Variants in DNAH2 observed in about 807,000 individuals in gnomAD.
DNAH2 encodes the protein axonemal beta dynein heavy chain 2.
DNAH2 carries 323 observed loss-of-function variants against 523.5 expected under a neutral mutation model. That is an observed-to-expected ratio of 0.62 (90% CI 0.56 to 0.68). The LOEUF is 0.68. Among genes scored for constraint, DNAH2 ranks in the 30% least tolerant of loss-of-function variants. The pLI is 0.00. For synonymous variants in DNAH2, 2,093 were observed against 2,177.4 expected (o/e 0.96, Z 1.08); for missense variants, 4,907 against 5,701.5 (o/e 0.86, Z 4.49).
chr17:7,810,882 A>G (rs1197587882), intron 63 of DNAH2, among the ~76,000 whole-genome samples: 3 of 152,188 alleles, frequency 2.0e-5, no homozygotes, highest in East Asian at 3.8e-4. Context: ...GAGCCCAACT[A>G]CATTGCAGAT....
At chr17:7,775,417 G>A in intron 30 of DNAH2, 75 bp downstream of exon 30, 1 of 1,403,102 alleles carries the variant, frequency 7.1e-7, no homozygotes. Flanking sequence ...CGGGCGCAGT[G>A]GCTCACACTT....
At position 7,763,843 on chromosome 17, in the gene DNAH2, T is replaced by G; in HGVS notation, c.2991T>G (p.Val997=). Residue 997 remains valine, a synonymous_variant, in exon 19 of 86, where the codon GTT becomes GTG. Transcript: ENST00000572933. ...FVADIARYTE[V]ANNVQKEETV... ...GGGGCTCTTGCAGCTACACGGAAGTTGCTAATAACGTGCAGAAGGAGGAGA... is the reference window on the plus strand; with the variant it reads ...GGGGCTCTTGCAGCTACACGGAAGTGGCTAATAACGTGCAGAAGGAGGAGA... The G allele has an allele frequency of 6.2e-7, 1 of 1,614,036 alleles. No homozygotes were observed. The highest frequency in any genetic ancestry group is 8.5e-7 in the Non-Finnish European group (1 of 1,180,014).
rs746632322 is a variant in DNAH2, at chr17:7,774,744, C to T, written c.4502-15C>T. The T allele has an allele frequency of 3.3e-5, 53 of 1,607,860 alleles. No individual in the cohort carries two copies. The highest frequency in any genetic ancestry group is 1.7e-4 in the Middle Eastern group (1 of 6,046). On this transcript the variant is annotated splice_polypyrimidine_tract_variant and intron_variant, in intron 28 of 85. Coordinates refer to ENST00000572933, the MANE Select transcript of DNAH2 (RefSeq NM_020877.5). ...TGGAAATGAATCAAATGTCATTCAT[C>T]GCTCTTCTTCCCAGGCCTCCTGGAC...
In DNAH2 at chr17:7,758,996, G is replaced by A. The variant is rs771890064; in HGVS notation, c.2320G>A (p.Asp774Asn). The change falls in exon 15 of 86, where the codon GAC becomes AAC. Residue 774 changes from aspartate (D) to asparagine (N), a missense_variant. By Grantham distance (23) the Asp-to-Asn change is conservative. Coordinates refer to ENST00000572933, the MANE Select transcript of DNAH2 (RefSeq NM_020877.5). The part of the protein sequence containing the change: ...VRISGKRVYR[D>N]LEFEEDQREH... ...CATTAGTGGCAAACGGGTATACAGG[G>A]ACCTGGAATTTGAAGAGGACCAAAG... 3.8e-5 allele frequency: 61 copies of A among 1,614,090 alleles called. 1 individual carries two copies. In the Middle Eastern group the frequency reaches 8.2e-4, roughly 22 times the overall value.
At position 7,737,258 on chromosome 17, in the gene DNAH2, G is replaced by T; in HGVS notation, c.1170G>T (p.Lys390Asn). Residue 390 changes from lysine to asparagine, a missense_variant and splice_region_variant, in exon 8 of 86, where the codon AAG (lysine) becomes AAT (asparagine). Lys to Asn is a moderately conservative substitution (Grantham distance 94, BLOSUM62 0). Coordinates refer to ENST00000572933, the MANE Select transcript of DNAH2 (RefSeq NM_020877.5). ...AGAGACTGACCTCGCTCTTCCGAAA[G>T]GTGTGCATATGCTGAGGGTGGGATG... ...TRERLTSLFR[K>N]VCDCQYHFAR... 2 of 1,613,782 alleles carry T rather than the reference G, an allele frequency of 1.2e-6. No homozygotes were observed. Among genetic ancestry groups the T allele is most frequent in the Admixed American group, 1.7e-5 (1 of 60,014 alleles).
At chr17:7,724,722 C>T (rs1187970312) in intron 3 of DNAH2, among the ~76,000 whole-genome samples, 1 of 149,732 alleles carries the variant, frequency 6.7e-6, no homozygotes, top group Non-Finnish European at 1.5e-5. Context: ...TTTGTATAAT[C>T]CTAACTTTAT....
intron 12 of DNAH2, among the ~76,000 whole-genome samples, chr17:7,748,050 G>A (rs1214086946): frequency 6.6e-6 from 1 of 152,218 alleles, no homozygotes; most frequent in East Asian, 1.9e-4. Context: ...GGCTCTCTTA[G>A]TCCTGGAGCC....
intron 31 of DNAH2, 86 bp downstream of exon 31, chr17:7,776,235 G>A: frequency 2.0e-6 from 3 of 1,492,384 alleles, no homozygotes; most frequent in Non-Finnish European, 2.7e-6. Context: ...GGAGGCCGAG[G>A]TGGGCAGATC....
rs2076579580 is a variant in DNAH2, at chr17:7,780,680, G to A, written c.5901G>A (p.Leu1967=). 1 of 1,614,230 alleles carries A rather than the reference G, an allele frequency of 6.2e-7. No individual in the cohort carries two copies. The highest frequency in any genetic ancestry group is 1.3e-5 in the African/African-American group (1 of 75,068). Residue 1967 remains leucine (L), a synonymous_variant, in exon 38 of 86, where the codon CTG becomes CTA. Coordinates refer to ENST00000572933, the MANE Select transcript of DNAH2 (RefSeq NM_020877.5). This position sits in a 1 kb window ranked among gnomAD's most constrained non-coding sequence, Gnocchi z 4.4. ...TCTACTCACTGGCTGTGCAGCAGCT[G>A]TCCAGACAGGACCACTATGACTTTG... The part of the protein sequence containing the change: ...YTLYSLAVQQ[L]SRQDHYDFGL...
At position 7,758,635 on chromosome 17, in the gene DNAH2, G is replaced by A. The variant is rs151273416; in HGVS notation, c.2192G>A (p.Arg731His). ...GASAFFITECRIHASKVQMIV... is the reference protein window; with the variant it reads ...GASAFFITECHIHASKVQMIV... ...AGTGCCTTCTTCATCACGGAGTGCC[G>A]TATACATGCCAGCAAGGTGGGCCAT... The change falls in exon 14 of 86, where the codon CGT becomes CAT. Residue 731 changes from arginine (R) to histidine (H), a missense_variant. Physicochemically the swap from Arg to His is conservative, Grantham distance 29. Around this residue, in one of 3 missense-constraint regions of DNAH2, gnomAD observed 2,806 missense variants for 3,190.8 expected, o/e 0.88. Transcript: ENST00000572933. The A allele has an allele frequency of 9.3e-6, 15 of 1,612,676 alleles. No individual in the cohort carries two copies. The highest frequency in any genetic ancestry group is 5.3e-5 in the African/African-American group (4 of 74,828).
rs768301300 is a variant in DNAH2 at position 7,737,061 on chromosome 17, TG to T, written c.979-5del. 1 of 1,612,058 alleles carries T rather than the reference TG, an allele frequency of 6.2e-7. No individual in the cohort carries two copies. Among genetic ancestry groups the T allele is most frequent in the East Asian group, 2.2e-5 (1 of 44,802 alleles). ...AAATCTATTTCTCATCTCTCTTTAC[TG>T]CCAGGATGGCTCTCGTCAAGCACAG... On this transcript the variant is annotated splice_region_variant and splice_polypyrimidine_tract_variant and intron_variant, in intron 7 of 85. Transcript: ENST00000572933.
chr17:7,831,655 G>T lies in DNAH2; in HGVS notation c.12612-6G>T, dbSNP rs1414762903. ...CATCTCTAACACTCCACCTCATCCTGCTCAGGTTCTCACTGACAGACCTAG... is the reference window on the plus strand; with the variant it reads ...CATCTCTAACACTCCACCTCATCCTTCTCAGGTTCTCACTGACAGACCTAG... On this transcript the variant is annotated splice_region_variant and splice_polypyrimidine_tract_variant and intron_variant, in intron 81 of 85. Transcript: ENST00000572933. This position sits in a 1 kb window ranked among gnomAD's most constrained non-coding sequence, Gnocchi z 4.2. The T allele has an allele frequency of 1.9e-6, 3 of 1,613,950 alleles. No individual in the cohort carries two copies. The highest frequency in any genetic ancestry group is 2.2e-5 in the South Asian group (2 of 91,064).
At chr17:7,736,045 G>T (rs867342774) in intron 7 of DNAH2, among the ~76,000 whole-genome samples, 5 of 151,730 alleles carry the variant, frequency 3.3e-5, no homozygotes, top group Admixed American at 3.3e-4. Flanking sequence ...CAGCCACCTC[G>T]CCCGGCCTAA....
In DNAH2 at chr17:7,831,525, C is replaced by A; in HGVS notation, c.12595C>A (p.Leu4199Met). 6.2e-7 allele frequency: 1 copy of A among 1,614,222 alleles called. No homozygotes were observed. The highest frequency in any genetic ancestry group is 8.5e-7 in the Non-Finnish European group (1 of 1,180,036). ...LLQEIQRYNTLMQTILFSLTD... is the reference protein window; with the variant it reads ...LLQEIQRYNTMMQTILFSLTD... ...GCAGGAGATCCAGAGATACAACACA[C>A]TGATGCAGACCATCCTGTAAGACAG... The change falls in exon 81 of 86, where the codon CTG becomes ATG. Residue 4199 changes from leucine (L) to methionine (M), a missense_variant. Leu to Met is a conservative substitution (Grantham distance 15). Coordinates refer to ENST00000572933, the MANE Select transcript of DNAH2 (RefSeq NM_020877.5). This position sits in a 1 kb window ranked among gnomAD's most constrained non-coding sequence, Gnocchi z 4.2.
chr17:7,724,261 A>T (rs2074722112), intron 3 of DNAH2, among the ~76,000 whole-genome samples: 1 of 152,190 alleles, frequency 6.6e-6, no homozygotes, highest in African/African-American at 2.4e-5. Context: ...ATGGCAAGAG[A>T]CAGAAAAGTA....
At position 7,818,000 on chromosome 17, in the gene DNAH2, G is replaced by A. The variant is rs774202574; in HGVS notation, c.10291G>A (p.Ala3431Thr). The A allele has an allele frequency of 5.6e-5, 91 of 1,613,886 alleles. No individual in the cohort carries two copies. Among genetic ancestry groups the A allele is most frequent in the Non-Finnish European group, 7.0e-5 (83 of 1,180,030 alleles). The change falls in exon 68 of 86, where the codon GCC (alanine) becomes ACC (threonine). Residue 3431 changes from alanine to threonine, a missense_variant. Transcript: ENST00000572933. ...CGATTACCTGCGAATCCTAGAACAC[G>A]CCATTCACTTTGGATACCCGGTGCT... is the stretch of plus-strand genomic sequence containing the variant. ...MSDYLRILEHAIHFGYPVLLQ... is the reference protein window; with the variant it reads ...MSDYLRILEHTIHFGYPVLLQ...
In DNAH2 at chr17:7,828,058, A is replaced by G. The variant is rs1427836665; in HGVS notation, c.11854-2242A>G. On this transcript the variant is annotated intron_variant, in intron 77 of 85. Transcript: ENST00000572933. This position sits in a 1 kb window ranked among gnomAD's most constrained non-coding sequence, Gnocchi z 4.1. Reference sequence around the variant, plus strand: ...CTAGCAATCTTTCCACCTGCACCTCACAGGTGTGTGCCACCACTCTGGCTA... The same window carrying G: ...CTAGCAATCTTTCCACCTGCACCTCGCAGGTGTGTGCCACCACTCTGGCTA... 5.9e-5 allele frequency among the ~76,000 whole-genome samples: 9 copies of G among 151,738 alleles called. No homozygotes were observed. The highest frequency in any genetic ancestry group is 2.2e-4 in the African/African-American group (9 of 41,214).
chr17:7,762,493 G>A (rs553619572), intron 18 of DNAH2, among the ~76,000 whole-genome samples: 39 of 150,978 alleles, frequency 2.6e-4, no homozygotes, highest in African/African-American at 7.6e-4. Flanking sequence ...CCGCCACCAC[G>A]CCCAGCTAAT....
intron 4 of DNAH2, among the ~76,000 whole-genome samples, chr17:7,730,796 G>T (rs1024862119): frequency 3.3e-5 from 5 of 151,652 alleles, no homozygotes; most frequent in African/African-American, 1.2e-4. Context: ...GCGAGAGTCT[G>T]TCTCAAAAAA....
Sources: gnomAD v4.1 joint callset for allele counts (sites outside exome capture counted in the v4.1 genomes callset) on GRCh38, gnomAD v4.1.1 for gene constraint, gnomAD v4.1.1 regional missense constraint, Gnocchi (gnomAD v3.1) non-coding constraint, MANE v1.5 for transcripts, NCBI Gene and HGNC (gene_info 2026-07-23, HGNC 2026-07-21) for gene names.